The following MOCS2 variants were observed in gnomAD, a reference collection of about 807,000 sequenced individuals.
MOCS2 encodes molybdenum cofactor synthesis 2, also known as molybdopterin synthase catalytic subunit.
MOCS2 carries 13 observed loss-of-function variants against 21.9 expected under a neutral mutation model. That is an observed-to-expected ratio of 0.59 (90% CI 0.39 to 0.94). The LOEUF is 0.94. Ranked by LOEUF, MOCS2 falls within the 40% of genes least tolerant of loss-of-function variation. The pLI, the probability that MOCS2 is intolerant of heterozygous loss-of-function variation, is 0.00. For missense variants in MOCS2, 227 were observed against 218.3 expected (o/e 1.04, Z -0.25); for synonymous variants, 92 against 80.8 (o/e 1.14, Z -0.74).
At position 53,109,162 on chromosome 5, in the gene MOCS2, T is replaced by A. The variant is rs1043558466; in HGVS notation, c.-170+89A>T. 6 of 407,330 alleles carry A rather than the reference T, an allele frequency of 1.5e-5. No individual in the cohort carries two copies. The South Asian group carries it at 5.1e-4, about 34-fold the overall frequency. 25.2% of individuals were successfully genotyped at this position (407,330 alleles called of 1,614,324 possible). ...TCTGACATTTACAGAAGCAAGTAGGTTTGAAACACACGACAGACTGGAATT... is the reference window on the plus strand; with the variant it reads ...TCTGACATTTACAGAAGCAAGTAGGATTGAAACACACGACAGACTGGAATT... On this transcript the variant is annotated intron_variant, in intron 1 of 6. Coordinates refer to ENST00000396954, the MANE Select transcript of MOCS2 (RefSeq NM_004531.5).
rs536483252 is a variant in MOCS2 at position 53,098,379 on chromosome 5, T to C, written c.*223A>G. 5.2e-6 allele frequency: 3 copies of C among 572,940 alleles called. No individual in the cohort carries two copies. The highest frequency in any genetic ancestry group is 9.3e-6 in the Non-Finnish European group (3 of 321,430). 35.5% of individuals were successfully genotyped at this position (572,940 alleles called of 1,614,324 possible). ...GATATCTTTCCTCACATTTAAATTATTCCATTTCTTCCTACAGTCCTCCTT... is the reference window on the plus strand; with the variant it reads ...GATATCTTTCCTCACATTTAAATTACTCCATTTCTTCCTACAGTCCTCCTT... On this transcript the variant is annotated 3_prime_UTR_variant, in exon 7 of 7. Transcript: ENST00000396954.
chr5:53,102,330 A>C, intron 3 of MOCS2, 106 bp from the exon 4 acceptor site: 1 of 1,132,572 alleles, frequency 8.8e-7, no homozygotes, highest in Non-Finnish European at 1.3e-6. Context: ...ATGTCGATGT[A>C]AAAGGAAGAG....
chr5:53,105,585 T>TA (rs1196590459), intron 3 of MOCS2, among the ~76,000 whole-genome samples: 1 of 152,112 alleles, frequency 6.6e-6, no homozygotes, highest in Non-Finnish European at 1.5e-5. Context: ...CAAAATGGAT[T>TA]AAAGACTTAA....
At position 53,102,326 on chromosome 5, in the gene MOCS2, A is replaced by C; in HGVS notation, c.99-102T>G. 7 of 1,170,080 alleles carry C rather than the reference A, an allele frequency of 6.0e-6. No homozygotes were observed. The East Asian group carries it at 1.8e-4, about 29-fold the overall frequency. 72.5% of individuals were successfully genotyped at this position (1,170,080 alleles called of 1,614,324 possible). Reference sequence around the variant, plus strand: ...TTATATTTTTTTCTACATTATGTCGATGTAAAAGGAAGAGGCTGTGGCACA... The same window carrying C: ...TTATATTTTTTTCTACATTATGTCGCTGTAAAAGGAAGAGGCTGTGGCACA... On this transcript the variant is annotated intron_variant, in intron 3 of 6. Transcript: ENST00000396954.
At position 53,109,462 on chromosome 5, in the gene MOCS2, T is replaced by C. The variant is rs528975067; in HGVS notation, c.-381A>G. 1.5e-6 allele frequency: 2 copies of C among 1,294,568 alleles called. No individual in the cohort carries two copies. The highest frequency in any genetic ancestry group is 3.1e-5 in the African/African-American group (2 of 64,890). The allele number at this position is 1,294,568 out of a possible 1,614,324, so 80.2% of individuals were successfully genotyped here. A position where few individuals can be genotyped will look rare whatever the true frequency, so the allele number is the denominator to read the frequency against. ...AGGCGCCTTCAGAACGAGTCCGTCCTTGCTGCCGTGAGCTGACAAGAGTTC... is the reference window on the plus strand; with the variant it reads ...AGGCGCCTTCAGAACGAGTCCGTCCCTGCTGCCGTGAGCTGACAAGAGTTC... On this transcript the variant is annotated 5_prime_UTR_variant, in exon 1 of 7. Transcript: ENST00000396954.
intron 6 of MOCS2, among the ~76,000 whole-genome samples, chr5:53,099,611 T>A (rs1313359247): frequency 6.6e-6 from 1 of 152,210 alleles, no homozygotes; most frequent in Non-Finnish European, 1.5e-5. Flanking sequence ...TCCCAGGCCC[T>A]GGTTATGAGT....
At position 53,097,065 on chromosome 5, in the gene MOCS2, C is replaced by T. The variant is rs997628617; in HGVS notation, c.*1537G>A. On this transcript the variant is annotated 3_prime_UTR_variant, in exon 7 of 7. Coordinates refer to ENST00000396954, the MANE Select transcript of MOCS2 (RefSeq NM_004531.5). ...TCTCCAATGGGGACAGGCGGAAGCT[C>T]GATGGCAAGCCAGAGTGACACTGAA... The T allele has an allele frequency of 3.9e-5, 6 of 152,266 alleles. No individual in the cohort carries two copies. In the South Asian group the frequency reaches 6.2e-4, roughly 16 times the overall value. The allele number at this position is 152,266 out of a possible 1,614,324, so 9.4% of individuals were successfully genotyped here.
At position 53,109,651 on chromosome 5, in the gene MOCS2, G is replaced by T; in HGVS notation, c.-570C>A. 3.9e-6 allele frequency: 6 copies of T among 1,548,314 alleles called. No homozygotes were observed. The highest frequency in any genetic ancestry group is 5.2e-6 in the Non-Finnish European group (6 of 1,145,986). On this transcript the variant is annotated 5_prime_UTR_variant, in exon 1 of 7. Transcript: ENST00000396954. The stretch of plus-strand genomic sequence containing the variant: ...GGCTGGGTATGTGGAGGGAAAGGGC[G>T]GGAGAGACACGTCGAGGAGGGCTCC...
chr5:53,108,741 C>A, intron 1 of MOCS2, 98 bp from the exon 2 acceptor site: 1 of 1,230,768 alleles, frequency 8.1e-7, no homozygotes, highest in Non-Finnish European at 1.1e-6. Context: ...TTGCTTTAAT[C>A]AAAGACAAAT....
rs913913035 is a variant in MOCS2, at chr5:53,109,562, G to C, written c.-481C>G. The C allele has an allele frequency of 1.4e-5, 20 of 1,408,208 alleles. No homozygotes were observed. In the South Asian group the frequency reaches 2.8e-4, roughly 20 times the overall value. 87.2% of individuals were successfully genotyped at this position (1,408,208 alleles called of 1,614,324 possible). ...CAGGAAGGGCCCGGGGGCGGGGGCG[G>C]GGGCGCCCCCGAACCCAAGACGCCG... is the stretch of plus-strand genomic sequence containing the variant. On this transcript the variant is annotated 5_prime_UTR_variant, in exon 1 of 7. Coordinates refer to ENST00000396954, the MANE Select transcript of MOCS2 (RefSeq NM_004531.5).
At chr5:53,106,248 C>T (rs755802634) in intron 3 of MOCS2, among the ~76,000 whole-genome samples, 2 of 152,162 alleles carry the variant, frequency 1.3e-5, no homozygotes, top group Non-Finnish European at 2.9e-5. Context: ...CACATGCACA[C>T]GTCTGTTCAC....
At chr5:53,106,420 C>T (rs1182358374) in intron 3 of MOCS2, among the ~76,000 whole-genome samples, 1 of 152,110 alleles carries the variant, frequency 6.6e-6, no homozygotes, top group Admixed American at 6.5e-5. Context: ...GAGCTAGAGG[C>T]CATTATCCTT....
chr5:53,101,953 TA>T (rs1740922712), intron 4 of MOCS2, 143 bp downstream of exon 4: 95 of 802,560 alleles, frequency 1.2e-4, no homozygotes, highest in Middle Eastern at 2.5e-4. Flanking sequence ...AAACAAGAAC[TA>T]AAAAAAAGTC....
Position 53,102,115 on chromosome 5 carries a change from C to A in MOCS2, c.208G>T (p.Ala70Ser). The A allele has an allele frequency of 6.2e-7, 1 of 1,613,710 alleles. No homozygotes were observed. The highest frequency in any genetic ancestry group is 1.3e-5 in the African/African-American group (1 of 75,024). The change falls in exon 4 of 7, where the codon GCA becomes TCA. Residue 70 changes from alanine (A) to serine (S), a missense_variant. Transcript: ENST00000396954. ...SQLVISPLCG[A>S]ISLFVGTTRN... is the part of the protein sequence containing the mutation. Reference sequence around the variant, plus strand: ...AACTCACCTACAAATAGGGATATTGCACCACAGAGCGGAGAAATCACCAAC... The same window carrying A: ...AACTCACCTACAAATAGGGATATTGAACCACAGAGCGGAGAAATCACCAAC...
In MOCS2 at chr5:53,109,592, G is replaced by A. The variant is rs2112094903; in HGVS notation, c.-511C>T. ...GCCCCCGAACCCAAGACGCCGGCCA[G>A]GTTGGGGGCTAGTGGGGAGGTCCGA... On this transcript the variant is annotated 5_prime_UTR_variant, in exon 1 of 7. Coordinates refer to ENST00000396954, the MANE Select transcript of MOCS2 (RefSeq NM_004531.5). The A allele has an allele frequency of 2.0e-6, 3 of 1,479,186 alleles. No individual in the cohort carries two copies. Among genetic ancestry groups the A allele is most frequent in the African/African-American group, 1.4e-5 (1 of 70,164 alleles). 91.6% of individuals were successfully genotyped at this position (1,479,186 alleles called of 1,614,324 possible). A position where few individuals can be genotyped will look rare whatever the true frequency, so the allele number is the denominator to read the frequency against.
At position 53,095,917 on chromosome 5, in the gene MOCS2, AT is replaced by A. The variant is rs1284577194; in HGVS notation, c.*2684del. On this transcript the variant is annotated 3_prime_UTR_variant, in exon 7 of 7. Transcript: ENST00000396954. ...CCTGATCCTATCATAATCTTTTAATATTTTTAAGGTGTCAATTAAAGATTGG... is the reference window on the plus strand; with the variant it reads ...CCTGATCCTATCATAATCTTTTAATATTTTAAGGTGTCAATTAAAGATTGG... The A allele has an allele frequency of 5.9e-5, 9 of 152,304 alleles. No individual in the cohort carries two copies. The East Asian group carries it at 1.7e-3, about 29-fold the overall frequency. The allele number at this position is 152,304 out of a possible 1,614,324, so 9.4% of individuals were successfully genotyped here. A position where few individuals can be genotyped will look rare whatever the true frequency, so the allele number is the denominator to read the frequency against.
At chr5:53,104,751 G>C (rs765276260) in intron 3 of MOCS2, among the ~76,000 whole-genome samples, 2 of 152,060 alleles carry the variant, frequency 1.3e-5, no homozygotes, top group Admixed American at 1.3e-4. Flanking sequence ...AGGCATCCTT[G>C]GCTTGCTCCT....
Position 53,109,648 on chromosome 5 carries a change from G to A in MOCS2, c.-567C>T. 2 of 1,547,852 alleles carry A rather than the reference G, an allele frequency of 1.3e-6. No individual in the cohort carries two copies. The highest frequency in any genetic ancestry group is 1.7e-6 in the Non-Finnish European group (2 of 1,145,840). ...CAAGGCTGGGTATGTGGAGGGAAAG[G>A]GCGGGAGAGACACGTCGAGGAGGGC... On this transcript the variant is annotated 5_prime_UTR_variant, in exon 1 of 7. Transcript: ENST00000396954.
At chr5:53,101,229 C>T in intron 5 of MOCS2, 130 bp downstream of exon 5, 1 of 1,043,854 alleles carries the variant, frequency 9.6e-7, no homozygotes, top group South Asian at 1.3e-5. Context: ...CCCTATTGTC[C>T]TCCAAAAATA....
Sources: allele counts gnomAD v4.1 joint callset (sites outside exome capture counted in the v4.1 genomes callset), GRCh38; gene constraint gnomAD v4.1.1; transcripts MANE v1.5; gene names NCBI Gene and HGNC (gene_info 2026-07-23, HGNC 2026-07-21).